Variants in C12orf42 observed in about 807,000 individuals in gnomAD.
The protein encoded by C12orf42 is chromosome 12 open reading frame 42.
A neutral mutation model predicts 21.6 loss-of-function variants in C12orf42; 25 were observed. The ratio of observed to expected loss-of-function variants is 1.16; its 90% CI spans 0.84 to 1.62. The LOEUF is 1.62. Among genes scored for constraint, C12orf42 ranks in the 40% most tolerant of loss-of-function variants. The probability of loss-of-function intolerance (pLI) is 0.00; values close to 1 mark genes in which losing one functional copy is unlikely to be tolerated. For missense variants in C12orf42, 483 were observed against 459.3 expected (o/e 1.05, Z -0.47); for synonymous variants, 174 against 175.0 (o/e 0.99, Z 0.05).
intron 4 of C12orf42, among the ~76,000 whole-genome samples, chr12:103,294,549 GAA>G (rs2037080892): frequency 8.7e-6 from 1 of 115,054 alleles, no homozygotes; most frequent in Non-Finnish European, 1.8e-5. Flanking sequence ...AAGCAAGAAA[GAA>G]AGAAAGAAAG....
the C12orf42 span, chr12:103,505,637 A>G: frequency 1.8e-4 from 47 of 263,372 alleles, no homozygotes; most frequent in Non-Finnish European, 7.2e-5. Flanking sequence ...AACCCAAGTT[A>G]GCACTGCCCA....
chr12:103,503,999 G>A, the C12orf42 span: 1 of 153,586 alleles, frequency 6.5e-6, no homozygotes. Context: ...AGTGGCAGAA[G>A]TATTAGGTTG....
At chr12:103,322,414 A>C (rs1458708716) in intron 4 of C12orf42, among the ~76,000 whole-genome samples, 2 of 152,084 alleles carry the variant, frequency 1.3e-5, no homozygotes, top group African/African-American at 4.8e-5. Flanking sequence ...AGATGCTGGC[A>C]GCTATTGGAG....
intron 3 of C12orf42, among the ~76,000 whole-genome samples, chr12:103,389,093 C>T (rs1271126548): frequency 6.6e-6 from 1 of 152,178 alleles, no homozygotes; most frequent in Admixed American, 6.5e-5. Context: ...TTCCATCATC[C>T]CCAAATCCCT....
chr12:103,158,362 C>T, the C12orf42 span, among the ~76,000 whole-genome samples: 16 of 152,164 alleles, frequency 1.1e-4, no homozygotes, highest in Non-Finnish European at 2.2e-4. Flanking sequence ...AAATATACCA[C>T]GAAGATAGCT....
intron 2 of C12orf42, among the ~76,000 whole-genome samples, chr12:103,436,150 T>C (rs1950689258): frequency 6.6e-6 from 1 of 151,096 alleles, no homozygotes; most frequent in Non-Finnish European, 1.5e-5. Flanking sequence ...CCAGCCAAAC[T>C]AAGCTTCATA....
the C12orf42 span, among the ~76,000 whole-genome samples, chr12:103,159,746 G>A: frequency 6.6e-6 from 1 of 152,172 alleles, no homozygotes; most frequent in African/African-American, 2.4e-5. Context: ...TATGTTCATG[G>A]TCCCCTCCAG....
intron 10 of C12orf42, among the ~76,000 whole-genome samples, chr12:103,257,022 A>T (rs898204711): frequency 4.6e-5 from 7 of 152,186 alleles, no homozygotes; most frequent in South Asian, 2.1e-4. Flanking sequence ...ACCATGAAAT[A>T]TTATACAGCC....
At chr12:103,356,797 G>A (rs1296430303) in intron 4 of C12orf42, among the ~76,000 whole-genome samples, 4 of 151,952 alleles carry the variant, frequency 2.6e-5, no homozygotes, top group African/African-American at 9.7e-5. Flanking sequence ...ATTTTTTCAC[G>A]TGTTTTTTGG....
chr12:103,424,876 C>G (rs1379174555), intron 2 of C12orf42, among the ~76,000 whole-genome samples: 4 of 152,116 alleles, frequency 2.6e-5, no homozygotes, highest in African/African-American at 9.7e-5. Flanking sequence ...AGCCAGGGAG[C>G]CAAGTGGTCT....
chr12:103,313,500 C>CA (rs1318641571), intron 4 of C12orf42, among the ~76,000 whole-genome samples: 1 of 152,204 alleles, frequency 6.6e-6, no homozygotes, highest in Non-Finnish European at 1.5e-5. Flanking sequence ...TGCTTTTCCC[C>CA]TTCCCAGCTG....
the C12orf42 span, among the ~76,000 whole-genome samples, chr12:103,074,326 G>T: frequency 6.6e-6 from 1 of 152,134 alleles, no homozygotes; most frequent in African/African-American, 2.4e-5. Context: ...TAGGTTAATA[G>T]AGAGCTTAAT....
the C12orf42 span, among the ~76,000 whole-genome samples, chr12:103,145,914 G>A: frequency 6.6e-6 from 1 of 151,542 alleles, no homozygotes; most frequent in African/African-American, 2.4e-5. Context: ...TTAAAAACAT[G>A]GATATAGAGT....
chr12:103,341,175 G>GA (rs1326413997), intron 4 of C12orf42, among the ~76,000 whole-genome samples: 1 of 140,626 alleles, frequency 7.1e-6, no homozygotes, highest in Non-Finnish European at 1.6e-5. Flanking sequence ...AATTCAGACA[G>GA]AAAAAAATAA....
At chr12:103,109,646 A>G in the C12orf42 span, among the ~76,000 whole-genome samples, 1 of 150,112 alleles carries the variant, frequency 6.7e-6, no homozygotes, top group African/African-American at 2.4e-5. Flanking sequence ...TACCATATAT[A>G]AGACGCAAAA....
At chr12:103,255,316 A>G (rs2034508230) in intron 10 of C12orf42, among the ~76,000 whole-genome samples, 1 of 152,046 alleles carries the variant, frequency 6.6e-6, no homozygotes, top group South Asian at 2.1e-4. Flanking sequence ...AGGTTGTAGT[A>G]AGCCAAGATC....
At chr12:103,176,078 TCCCGCCATGCCATATCCCACCTC>T in the C12orf42 span, among the ~76,000 whole-genome samples, 1 of 151,980 alleles carries the variant, frequency 6.6e-6, no homozygotes, top group Admixed American at 6.6e-5. Flanking sequence ...TTCTGCTTCT[TCCCGCCATGCCATATCCCACCTC>T]CCCCCAGTTC....
intron 3 of C12orf42, among the ~76,000 whole-genome samples, chr12:103,369,754 A>G (rs185028288): frequency 1.3e-4 from 20 of 152,190 alleles, no homozygotes; most frequent in Admixed American, 6.6e-4. Flanking sequence ...TATTCATTCT[A>G]AAACCTAAAA....
intron 2 of C12orf42, among the ~76,000 whole-genome samples, chr12:103,415,036 C>G (rs1334409085): frequency 1.3e-5 from 2 of 151,866 alleles, no homozygotes; most frequent in Non-Finnish European, 2.9e-5. Flanking sequence ...TTACATGTAA[C>G]AACACCCGTG....
Sources: allele counts gnomAD v4.1 joint callset (sites outside exome capture counted in the v4.1 genomes callset), GRCh38; gene constraint gnomAD v4.1.1; transcripts MANE v1.5; gene names NCBI Gene and HGNC (gene_info 2026-07-23, HGNC 2026-07-21).